Variants in MAPK8IP1 observed in about 807,000 individuals in gnomAD.
MAPK8IP1 encodes the protein C-Jun-amino-terminal kinase-interacting protein 1.
Under a neutral mutation model 72.6 loss-of-function variants are expected in MAPK8IP1, and 17 were observed. The ratio of observed to expected loss-of-function variants is 0.23; its 90% CI spans 0.16 to 0.35. MAPK8IP1 has a LOEUF of 0.35. Among genes scored for constraint, MAPK8IP1 ranks in the 10% least tolerant of loss-of-function variants. MAPK8IP1 has a pLI of 1.00. For synonymous variants in MAPK8IP1, 401 were observed against 443.4 expected, an observed-to-expected ratio of 0.90 and a Z score of 1.20; for missense variants, 789 against 1,009.7, an observed-to-expected ratio of 0.78 and a Z score of 2.96.
At chr11:45,894,379 G>A (rs1307282099) in intron 1 of MAPK8IP1, among the ~76,000 whole-genome samples, 1 of 151,188 alleles carries the variant, frequency 6.6e-6, no homozygotes, top group African/African-American at 2.4e-5. Context: ...GTCAGACAAA[G>A]CATCCCCCTT....
chr11:45,893,650 A>G (rs529663316), intron 1 of MAPK8IP1, among the ~76,000 whole-genome samples: 1 of 152,246 alleles, frequency 6.6e-6, no homozygotes, highest in Non-Finnish European at 1.5e-5. Flanking sequence ...AAACTTCCAG[A>G]CCCAGAGGTG....
intron 1 of MAPK8IP1, among the ~76,000 whole-genome samples, chr11:45,889,389 A>G (rs2086549873): frequency 6.6e-6 from 1 of 152,224 alleles, no homozygotes; most frequent in Non-Finnish European, 1.5e-5. Flanking sequence ...TATAATGAGT[A>G]TAGGTTACTT....
chr11:45,889,823 A>G (rs2086552949), intron 1 of MAPK8IP1, among the ~76,000 whole-genome samples: 1 of 145,526 alleles, frequency 6.9e-6, no homozygotes, highest in South Asian at 2.3e-4. Context: ...GGGATGAGAG[A>G]TGGGGCCACC....
At chr11:45,888,269 G>C (rs777034303) in intron 1 of MAPK8IP1, among the ~76,000 whole-genome samples, 2 of 152,212 alleles carry the variant, frequency 1.3e-5, no homozygotes, top group Non-Finnish European at 2.9e-5. Flanking sequence ...GCACGGGATA[G>C]TTACTCAATA....
At chr11:45,888,659 A>G (rs1030808400) in intron 1 of MAPK8IP1, among the ~76,000 whole-genome samples, 1 of 151,850 alleles carries the variant, frequency 6.6e-6, no homozygotes, top group African/African-American at 2.4e-5. Context: ...ACCTTTGGGT[A>G]TGGTATGGGG....
chr11:45,904,156 T>G lies in MAPK8IP1; in HGVS notation c.1661T>G (p.Met554Arg). The G allele has an allele frequency of 1.9e-6, 3 of 1,613,700 alleles. No individual in the cohort carries two copies. Among genetic ancestry groups the G allele is most frequent in the Non-Finnish European group, 2.5e-6 (3 of 1,179,902 alleles). Residue 554 changes from methionine to arginine, a missense_variant, in exon 7 of 12, where the codon ATG becomes AGG. Coordinates refer to ENST00000241014, the MANE Select transcript of MAPK8IP1 (RefSeq NM_005456.4). The surrounding 1 kb of genome is among the most constrained non-coding windows in gnomAD (Gnocchi z 6.4). ...GAGGTCACCAAGGAGCCCGAGCACATGGCAGGTAGTGTTCCCTCCCTGGCC... is the reference window on the plus strand; with the variant it reads ...GAGGTCACCAAGGAGCCCGAGCACAGGGCAGGTAGTGTTCCCTCCCTGGCC... The part of the protein sequence containing the change: ...AIEVTKEPEH[M>R]AALAKNSDWV...
chr11:45,905,075 C>T (rs745853837), intron 10 of MAPK8IP1, 34 bp downstream of exon 10: 13 of 1,612,818 alleles, frequency 8.1e-6, no homozygotes, highest in Admixed American at 3.3e-5. Flanking sequence ...GGAGGAGGCA[C>T]GGGTGGTCTG....
intron 1 of MAPK8IP1, 24 bp downstream of exon 1, chr11:45,885,945 G>A: frequency 7.0e-7 from 1 of 1,436,226 alleles, no homozygotes; most frequent in South Asian, 1.4e-5. Context: ...GCCGCCGCGC[G>A]CCTCGCCCTT....
intron 1 of MAPK8IP1, chr11:45,896,538 G>C (rs1485792016): frequency 8.9e-7 from 1 of 1,126,612 alleles, no homozygotes; most frequent in Non-Finnish European, 1.1e-6. Context: ...GGCAGGTGGA[G>C]CCAGTGGCAT....
In MAPK8IP1 at chr11:45,885,841, C is replaced by G; in HGVS notation, c.21C>G (p.Gly7=). ...CGAGAATGGCGGAGCGAGAAAGCGG[C>G]GGCCTGGGAGGGGGGGCCGCGTCCC... The part of the protein sequence containing the change: MAERES[G]GLGGGAASPP... Residue 7 remains glycine (G), a synonymous_variant, in exon 1 of 12, where the codon GGC becomes GGG. Transcript: ENST00000241014. 1 of 1,438,798 alleles carries G rather than the reference C, an allele frequency of 7.0e-7. No individual in the cohort carries two copies. Among genetic ancestry groups the G allele is most frequent in the Non-Finnish European group, 9.1e-7 (1 of 1,094,000 alleles). 89.1% of individuals were successfully genotyped at this position (1,438,798 alleles called of 1,614,324 possible).
In MAPK8IP1 at chr11:45,902,681, G is replaced by A. The variant is rs1327307525; in HGVS notation, c.914G>A (p.Ser305Asn). ...TCCGCCTTCCTGCCGCCCACTGAGAGCCGGATGTCAGTCAGCTCCGATCCA... is the reference window on the plus strand; with the variant it reads ...TCCGCCTTCCTGCCGCCCACTGAGAACCGGATGTCAGTCAGCTCCGATCCA... ...PTSAFLPPTE[S>N]RMSVSSDPDP... The change falls in exon 5 of 12, where the codon AGC becomes AAC. Residue 305 changes from serine (S) to asparagine (N), a missense_variant. Physicochemically the swap from Ser to Asn is conservative, Grantham distance 46. Coordinates refer to ENST00000241014, the MANE Select transcript of MAPK8IP1 (RefSeq NM_005456.4). The surrounding 1 kb of genome is among the most constrained non-coding windows in gnomAD (Gnocchi z 9.3). 1.9e-6 allele frequency: 3 copies of A among 1,611,528 alleles called. No individual in the cohort carries two copies. Among genetic ancestry groups the A allele is most frequent in the South Asian group, 1.1e-5 (1 of 91,054 alleles).
intron 3 of MAPK8IP1, among the ~76,000 whole-genome samples, chr11:45,901,079 C>T (rs987257139): frequency 7.2e-5 from 11 of 152,034 alleles, no homozygotes; most frequent in Non-Finnish European, 1.5e-4. Flanking sequence ...CTGGCTGTGG[C>T]CCTTTGTCTT....
At chr11:45,894,114 C>G (rs11038705) in intron 1 of MAPK8IP1, among the ~76,000 whole-genome samples, 80,571 of 152,134 alleles carry the variant, frequency 0.53, 25,938 homozygotes, top group Non-Finnish European at 0.72. Context: ...CATCCTGTAT[C>G]TGGGAAGCTG....
chr11:45,889,598 G>T (rs1381313250), intron 1 of MAPK8IP1, among the ~76,000 whole-genome samples: 1 of 152,150 alleles, frequency 6.6e-6, no homozygotes, highest in African/African-American at 2.4e-5. Context: ...TGGACAAGAA[G>T]GGAGCGAGCG....
At position 45,903,547 on chromosome 11, in the gene MAPK8IP1, T is replaced by C. The variant is rs1048562647; in HGVS notation, c.1493+107T>C. 9.5e-6 allele frequency: 9 copies of C among 947,102 alleles called. No individual in the cohort carries two copies. Among genetic ancestry groups the C allele is most frequent in the South Asian group, 4.2e-5 (3 of 71,736 alleles). 58.7% of individuals were successfully genotyped at this position (947,102 alleles called of 1,614,324 possible). ...CTCAGCCTAACCCCTGCCATCAGCC[T>C]TCATTTATCCACTCAGCCCTGGGAG... On this transcript the variant is annotated intron_variant, in intron 6 of 11. Transcript: ENST00000241014. This position sits in a 1 kb window ranked among gnomAD's most constrained non-coding sequence, Gnocchi z 6.4.
At chr11:45,886,210 A>G (rs966490777) in intron 1 of MAPK8IP1, among the ~76,000 whole-genome samples, 3 of 152,020 alleles carry the variant, frequency 2.0e-5, no homozygotes, top group East Asian at 1.9e-4. Context: ...CTTCTCCCCA[A>G]CCTCCGGGCT....
intron 2 of MAPK8IP1, among the ~76,000 whole-genome samples, chr11:45,899,107 A>G (rs2086630005): frequency 6.6e-6 from 1 of 152,178 alleles, no homozygotes; most frequent in Non-Finnish European, 1.5e-5. Context: ...AGAGGAAACC[A>G]AGGGGTGAGG....
Position 45,905,718 on chromosome 11 carries a change from G to A in MAPK8IP1, c.2133G>A (p.Glu711=). 1 of 1,613,546 alleles carries A rather than the reference G, an allele frequency of 6.2e-7. No individual in the cohort carries two copies. Among genetic ancestry groups the A allele is most frequent in the East Asian group, 2.2e-5 (1 of 44,878 alleles). ...GCCCCACAGAAGATATCTACCTGGA[G>A]TAGCTGTGCAGCCCCGCCCTCTGCG... is the stretch of plus-strand genomic sequence containing the variant. ...YTCPTEDIYL[E] The change falls in exon 12 of 12, where the codon GAG becomes GAA. Residue 711 remains glutamate (E), a synonymous_variant. Transcript: ENST00000241014.
Position 45,902,429 on chromosome 11 carries a change from G to T in MAPK8IP1, c.662G>T (p.Ser221Ile). 6.3e-7 allele frequency: 1 copy of T among 1,585,896 alleles called. No homozygotes were observed. The highest frequency in any genetic ancestry group is 1.1e-5 in the South Asian group (1 of 87,756). ...CTGAGCGATGAGCTGCCCCCCCAGAGCGGCCCCGCCCCCACCACAGATCGA... is the reference window on the plus strand; with the variant it reads ...CTGAGCGATGAGCTGCCCCCCCAGATCGGCCCCGCCCCCACCACAGATCGA... The part of the protein sequence containing the change: ...ICLSDELPPQ[S>I]GPAPTTDRGT... The change falls in exon 5 of 12, where the codon AGC (serine) becomes ATC (isoleucine). Residue 221 changes from serine (S) to isoleucine (I), a missense_variant. Ser to Ile is a moderately radical substitution (Grantham distance 142). Around this residue, in one of 4 missense-constraint regions of MAPK8IP1, gnomAD observed 377 missense variants for 411.7 expected, o/e 0.92. Transcript: ENST00000241014. This position sits in a 1 kb window ranked among gnomAD's most constrained non-coding sequence, Gnocchi z 9.3.
Sources: allele counts gnomAD v4.1 joint callset (sites outside exome capture counted in the v4.1 genomes callset), GRCh38; gene constraint gnomAD v4.1.1; regional missense constraint gnomAD v4.1.1; non-coding constraint Gnocchi (gnomAD v3.1); transcripts MANE v1.5; gene names NCBI Gene and HGNC (gene_info 2026-07-23, HGNC 2026-07-21).